CSMD1: variants seen among roughly 807,000 people sequenced by gnomAD.
The protein encoded by CSMD1 is CUB and sushi domain-containing protein 1.
Under a neutral mutation model 417.5 loss-of-function variants are expected in CSMD1, and 213 were observed. The observed-to-expected ratio is 0.51, with a 90% CI of 0.46 to 0.57. CSMD1 has a LOEUF of 0.57. Among genes scored for constraint, CSMD1 ranks in the 20% least tolerant of loss-of-function variants. The pLI is 0.00. For synonymous variants in CSMD1, 2,862 were observed against 1,736.8 expected (o/e 1.65, Z -16.11); for missense variants, 6,923 against 4,529.7 (o/e 1.53, Z -15.17).
chr8:3,363,599 C>T (rs1478321610), intron 20 of CSMD1, among the ~76,000 whole-genome samples: 1 of 152,108 alleles, frequency 6.6e-6, no homozygotes, highest in Non-Finnish European at 1.5e-5. Flanking sequence ...GCGATCTCCG[C>T]TCACTGCAAG....
intron 20 of CSMD1, among the ~76,000 whole-genome samples, chr8:3,365,663 T>A (rs1199257338): frequency 6.6e-6 from 1 of 152,230 alleles, no homozygotes; most frequent in Non-Finnish European, 1.5e-5. Flanking sequence ...ATGTAGATAC[T>A]AGTTTATTTA....
intron 15 of CSMD1, among the ~76,000 whole-genome samples, chr8:3,400,092 C>T (rs888339202): frequency 1.3e-5 from 2 of 152,248 alleles, no homozygotes; most frequent in Admixed American, 1.3e-4. Flanking sequence ...GAACCTTTTG[C>T]AAGGTTTTGT....
At chr8:3,820,624 G>T (rs1034143341) in intron 5 of CSMD1, among the ~76,000 whole-genome samples, 1 of 152,136 alleles carries the variant, frequency 6.6e-6, no homozygotes, top group South Asian at 2.1e-4. Flanking sequence ...TGTCCAAGTT[G>T]GAGCGTAGTG....
chr8:4,800,143 A>C lies in CSMD1; in HGVS notation c.86-162585T>G, dbSNP rs75346553. Reference sequence around the variant, plus strand: ...TTTCCTATATAATTGTTATTAATACAAGAAAGGAAAATTGGCCGGCCGTGA... The same window carrying C: ...TTTCCTATATAATTGTTATTAATACCAGAAAGGAAAATTGGCCGGCCGTGA... On this transcript the variant is annotated intron_variant, in intron 1 of 69. Coordinates refer to ENST00000635120, the MANE Select transcript of CSMD1 (RefSeq NM_033225.6). Among the ~76,000 whole-genome samples the C allele has an allele frequency of 4.0e-3, 611 of 152,290 alleles. 10 individuals carry two copies. The highest frequency in any genetic ancestry group is 0.014 in the African/African-American group (572 of 41,554).
chr8:4,758,334 G>C (rs371172334), intron 1 of CSMD1, among the ~76,000 whole-genome samples: 1 of 152,126 alleles, frequency 6.6e-6, no homozygotes, highest in East Asian at 1.9e-4. Context: ...GATTCTTTGT[G>C]TTATTTAGAA....
intron 1 of CSMD1, among the ~76,000 whole-genome samples, chr8:4,957,475 G>A (rs934855529): frequency 4.6e-5 from 7 of 152,150 alleles, no homozygotes; most frequent in African/African-American, 1.7e-4. Flanking sequence ...TCATTTCAGG[G>A]AAGACACACA....
intron 43 of CSMD1, among the ~76,000 whole-genome samples, chr8:3,109,159 G>C (rs1816342216): frequency 6.6e-6 from 1 of 152,204 alleles, no homozygotes; most frequent in Non-Finnish European, 1.5e-5. Flanking sequence ...CAGCTACTCG[G>C]CAGGCTAAGG....
intron 30 of CSMD1, among the ~76,000 whole-genome samples, chr8:3,208,841 C>T (rs540560120): frequency 5.3e-5 from 8 of 152,154 alleles, no homozygotes; most frequent in Non-Finnish European, 1.2e-4. Context: ...TGCCCCTGAA[C>T]GTCAAACTCC....
intron 6 of CSMD1, among the ~76,000 whole-genome samples, chr8:3,753,218 A>G (rs960857703): frequency 6.6e-6 from 1 of 152,162 alleles, no homozygotes; most frequent in Non-Finnish European, 1.5e-5. Flanking sequence ...CATTATTTTC[A>G]AAGTCATGTT....
intron 5 of CSMD1, among the ~76,000 whole-genome samples, chr8:3,992,032 T>A (rs1814788081): frequency 1.3e-5 from 2 of 151,882 alleles, no homozygotes; most frequent in Non-Finnish European, 2.9e-5. Flanking sequence ...AAAGCAGGGG[T>A]TTATGAATAG....
intron 23 of CSMD1, among the ~76,000 whole-genome samples, chr8:3,330,063 G>A (rs186341583): frequency 6.6e-6 from 1 of 152,314 alleles, no homozygotes; most frequent in African/African-American, 2.4e-5. Flanking sequence ...CAGTCATGGT[G>A]TGGCCCCATC....
chr8:4,208,893 T>G (rs539941941), intron 3 of CSMD1, among the ~76,000 whole-genome samples: 1 of 152,186 alleles, frequency 6.6e-6, no homozygotes, highest in Non-Finnish European at 1.5e-5. Flanking sequence ...GAGATTTTCT[T>G]AAATTTCTTT....
chr8:4,780,180 T>A (rs1218615949), intron 1 of CSMD1, among the ~76,000 whole-genome samples: 1 of 152,230 alleles, frequency 6.6e-6, no homozygotes, highest in Non-Finnish European at 1.5e-5. Flanking sequence ...GACAACCTAG[T>A]GCGCCTATGA....
chr8:3,645,706 G>C (rs369872216), intron 7 of CSMD1, among the ~76,000 whole-genome samples: 32 of 152,264 alleles, frequency 2.1e-4, no homozygotes, highest in East Asian at 7.7e-4. Context: ...ACTTTACTTG[G>C]CTCTGCAAGG....
chr8:3,361,037 T>C (rs546321614), intron 20 of CSMD1, among the ~76,000 whole-genome samples: 170 of 152,278 alleles, frequency 1.1e-3, no homozygotes, highest in African/African-American at 3.8e-3. Context: ...AGATAAGCAA[T>C]CTACTCTGGA....
chr8:4,494,149 T>C (rs1453097692), intron 2 of CSMD1, among the ~76,000 whole-genome samples: 2 of 152,196 alleles, frequency 1.3e-5, no homozygotes, highest in African/African-American at 4.8e-5. Flanking sequence ...GGGTAAGATA[T>C]TGTTGTTTCA....
intron 1 of CSMD1, among the ~76,000 whole-genome samples, chr8:4,711,451 G>C (rs1024909173): frequency 6.6e-6 from 1 of 151,948 alleles, no homozygotes; most frequent in Non-Finnish European, 1.5e-5. Context: ...TCAAACAAAG[G>C]TGTGAAAGTA....
chr8:4,349,821 T>G (rs1487310872), intron 3 of CSMD1, among the ~76,000 whole-genome samples: 1 of 82,032 alleles, frequency 1.2e-5, no homozygotes, highest in Non-Finnish European at 2.0e-5. Context: ...TGATATGACC[T>G]TTTTTTTTTT....
At chr8:4,056,814 C>T (rs893247762) in intron 3 of CSMD1, among the ~76,000 whole-genome samples, 5 of 152,024 alleles carry the variant, frequency 3.3e-5, no homozygotes, top group African/African-American at 4.8e-5. Context: ...TGATAGTTTA[C>T]TGAGAATGAT....
Sources: gnomAD v4.1 joint callset for allele counts (sites outside exome capture counted in the v4.1 genomes callset) on GRCh38, gnomAD v4.1.1 for gene constraint, MANE v1.5 for transcripts, NCBI Gene and HGNC (gene_info 2026-07-23, HGNC 2026-07-21) for gene names.